The following COL28A1 variants were observed in gnomAD, a reference collection of about 807,000 sequenced individuals.
COL28A1 encodes the protein collagen type XXVIII alpha 1 chain.
In COL28A1, 161 loss-of-function variants were observed where a neutral mutation model predicts 150.2. The observed-to-expected ratio is 1.07, with a 90% CI of 0.94 to 1.22. COL28A1 has a LOEUF of 1.22. Among genes scored for constraint, COL28A1 ranks in the 50% most tolerant of loss-of-function variants. The pLI, the probability that COL28A1 is intolerant of heterozygous loss-of-function variation, is 0.00. For synonymous variants in COL28A1, 552 were observed against 469.7 expected (o/e 1.18, Z -2.26); for missense variants, 1,617 against 1,388.3 (o/e 1.16, Z -2.62).
At chr7:7,505,894 A>C (rs1562858667) in intron 11 of COL28A1, 120 bp downstream of exon 11, 1 of 711,022 alleles carries the variant, frequency 1.4e-6, no homozygotes, top group East Asian at 2.5e-5. Context: ...GCAGGTTATT[A>C]TGCATTTCCA....
intron 27 of COL28A1, among the ~76,000 whole-genome samples, chr7:7,383,250 TTGTGTG>T (rs368714766): frequency 0.055 from 5,858 of 107,156 alleles, 139 homozygotes; most frequent in African/African-American, 0.065. Context: ...CTTTTTTTTG[TTGTGTG>T]TGTGTGTGTG....
At chr7:7,526,100 T>C (rs1782009463) in intron 3 of COL28A1, among the ~76,000 whole-genome samples, 4 of 152,374 alleles carry the variant, frequency 2.6e-5, no homozygotes, top group East Asian at 1.9e-4. Flanking sequence ...TTACCCTCTG[T>C]AGAACATTTG....
intron 21 of COL28A1, 51 bp downstream of exon 21, chr7:7,440,739 C>A: frequency 1.4e-6 from 1 of 733,048 alleles, no homozygotes; most frequent in Non-Finnish European, 2.3e-6. Flanking sequence ...ATATTAAAAC[C>A]AGACACAATA....
downstream of COL28A1, chr7:7,356,610 G>T (rs552956142): frequency 2.5e-4 from 38 of 151,498 alleles, no homozygotes; most frequent in African/African-American, 9.2e-4. Context: ...ACCAAACACC[G>T]CATGTTCTCA....
chr7:7,412,989 C>T (rs1195669529), intron 27 of COL28A1, among the ~76,000 whole-genome samples: 2 of 152,072 alleles, frequency 1.3e-5, no homozygotes, highest in African/African-American at 4.8e-5. Flanking sequence ...CTTTCCCTTA[C>T]ACCACAGAGG....
chr7:7,350,394 T>C, the COL28A1 span, among the ~76,000 whole-genome samples: 4 of 152,138 alleles, frequency 2.6e-5, no homozygotes, highest in Admixed American at 1.3e-4. Context: ...ACATATGTAA[T>C]AGACTTGGCC....
chr7:7,479,080 G>A (rs1353403055), intron 13 of COL28A1, among the ~76,000 whole-genome samples: 1 of 152,220 alleles, frequency 6.6e-6, no homozygotes, highest in African/African-American at 2.4e-5. Context: ...GGCTGCGAGG[G>A]CTGCCAGCAC....
chr7:7,380,607 C>A, intron 30 of COL28A1, 53 bp downstream of exon 30: 1 of 1,505,974 alleles, frequency 6.6e-7, no homozygotes, highest in Non-Finnish European at 9.2e-7. Flanking sequence ...AGCATGAATG[C>A]AACAATTTTG....
chr7:7,424,956 A>G (rs1784577403), intron 25 of COL28A1, among the ~76,000 whole-genome samples: 1 of 152,190 alleles, frequency 6.6e-6, no homozygotes, highest in Admixed American at 6.5e-5. Flanking sequence ...TGATGGTTCT[A>G]AAACTCACAC....
upstream of COL28A1, among the ~76,000 whole-genome samples, chr7:7,537,470 C>T (rs1055382300): frequency 6.6e-6 from 1 of 152,098 alleles, no homozygotes; most frequent in African/African-American, 2.4e-5. Flanking sequence ...TCCAGGACCC[C>T]TTGTACTTAG....
intron 6 of COL28A1, 139 bp from the exon 7 acceptor site, chr7:7,517,976 TGC>T: frequency 9.3e-7 from 1 of 1,077,106 alleles, no homozygotes; most frequent in Non-Finnish European, 1.3e-6. Flanking sequence ...ATTTTCACTA[TGC>T]AATCTAGGCA....
chr7:7,374,088 A>G (rs1781418203), intron 31 of COL28A1, among the ~76,000 whole-genome samples: 1 of 149,016 alleles, frequency 6.7e-6, no homozygotes. Flanking sequence ...AGTTGATAAA[A>G]TAATAAATAC....
chr7:7,471,125 T>TAAAAAAAAAAAAAAAAAAAAAAAAAAAAA (rs746981344), intron 15 of COL28A1, among the ~76,000 whole-genome samples: 1 of 88,520 alleles, frequency 1.1e-5, no homozygotes, highest in Non-Finnish European at 2.3e-5. Flanking sequence ...AAAAAATAAT[T>TAAAAAAAAAAAAAAAAAAAAAAAAAAAAA]AAAAAAAAAA....
intron 15 of COL28A1, 60 bp downstream of exon 15, chr7:7,474,541 A>G: frequency 1.2e-6 from 1 of 835,398 alleles, no homozygotes; most frequent in Non-Finnish European, 2.1e-6. Flanking sequence ...ATGTACATAC[A>G]TAAAGAACAA....
chr7:7,502,519 A>T (rs1780589315), intron 11 of COL28A1, among the ~76,000 whole-genome samples: 1 of 152,200 alleles, frequency 6.6e-6, no homozygotes, highest in Admixed American at 6.5e-5. Flanking sequence ...AATTCAAGAG[A>T]AAGACCATTT....
intron 1 of COL28A1, among the ~76,000 whole-genome samples, chr7:7,533,281 G>C (rs1440125029): frequency 6.6e-6 from 1 of 151,932 alleles, no homozygotes; most frequent in East Asian, 1.9e-4. Context: ...AATTCTTCAG[G>C]GGGAATTCAG....
At chr7:7,459,858 G>A (rs1014476358) in intron 15 of COL28A1, among the ~76,000 whole-genome samples, 8 of 152,220 alleles carry the variant, frequency 5.3e-5, no homozygotes, top group Non-Finnish European at 2.9e-5. Context: ...GGACCAAGAT[G>A]AAAGCCAGAC....
At chr7:7,382,862 A>G (rs1443371663) in intron 27 of COL28A1, among the ~76,000 whole-genome samples, 2 of 152,090 alleles carry the variant, frequency 1.3e-5, no homozygotes, top group Non-Finnish European at 1.5e-5. Context: ...CTTGAGAGCC[A>G]CTACTCCAGG....
downstream of COL28A1, among the ~76,000 whole-genome samples, chr7:7,355,058 G>T (rs1780316164): frequency 1.3e-5 from 2 of 152,080 alleles, no homozygotes; most frequent in Non-Finnish European, 2.9e-5. Flanking sequence ...GCCACAAAAG[G>T]AAAGATGGGT....
Sources: allele counts gnomAD v4.1 joint callset (sites outside exome capture counted in the v4.1 genomes callset), GRCh38; gene constraint gnomAD v4.1.1; transcripts MANE v1.5; gene names NCBI Gene and HGNC (gene_info 2026-07-23, HGNC 2026-07-21).